PTBP2: variants seen among roughly 807,000 people sequenced by gnomAD.
PTBP2 encodes the protein polypyrimidine tract-binding protein 2.
In PTBP2, 13 loss-of-function variants were observed where a neutral mutation model predicts 61.4. That is an observed-to-expected ratio of 0.21 (90% confidence interval 0.14 to 0.34). The LOEUF (loss-of-function observed/expected upper bound fraction) is 0.34. PTBP2 is among the 10% of genes least tolerant of loss of function. PTBP2 has a pLI of 1.00. For synonymous variants in PTBP2, 215 were observed against 218.5 expected (o/e 0.98, Z 0.14); for missense variants, 405 against 642.6 (o/e 0.63, Z 4.00).
chr1:96,725,867 C>T (rs1412960619), intron 2 of PTBP2, among the ~76,000 whole-genome samples: 1 of 151,500 alleles, frequency 6.6e-6, no homozygotes, highest in Non-Finnish European at 1.5e-5. Flanking sequence ...ATCACGAGTT[C>T]AGGAGAGACC....
chr1:96,743,982 A>G (rs1463095767), intron 2 of PTBP2, among the ~76,000 whole-genome samples: 1 of 152,130 alleles, frequency 6.6e-6, no homozygotes, highest in Non-Finnish European at 1.5e-5. Context: ...GCTTGAGACC[A>G]GCCTGGCTCT....
rs191704318 is a variant in PTBP2 at position 96,750,346 on chromosome 1, G to A, written c.40-1079G>A. On this transcript the variant is annotated intron_variant, in intron 2 of 13. Transcript: ENST00000674951. ...GAAATTGGTTAAGAAATTAGGCTTG[G>A]TGTAAATACAGTATCAATGTGGCTT... 2.2e-3 allele frequency among the ~76,000 whole-genome samples: 335 copies of A among 151,404 alleles called. 1 individual carries two copies. Among genetic ancestry groups the A allele is most frequent in the Non-Finnish European group, 4.0e-3 (270 of 67,794 alleles).
intron 2 of PTBP2, among the ~76,000 whole-genome samples, chr1:96,736,105 C>G (rs538389125): frequency 1.3e-5 from 2 of 152,232 alleles, no homozygotes; most frequent in South Asian, 4.1e-4. Flanking sequence ...TATAGCCAGC[C>G]AAATTATCAT....
intron 3 of PTBP2, among the ~76,000 whole-genome samples, chr1:96,759,610 T>C (rs1655563299): frequency 6.6e-6 from 1 of 152,162 alleles, no homozygotes; most frequent in Admixed American, 6.5e-5. Flanking sequence ...TAGGATATAC[T>C]TGCAACTTTG....
intron 8 of PTBP2, among the ~76,000 whole-genome samples, chr1:96,803,565 G>A (rs1661230755): frequency 6.6e-6 from 1 of 151,898 alleles, no homozygotes; most frequent in African/African-American, 2.4e-5. Flanking sequence ...GGAGGGGAAA[G>A]TTTTATAAGT....
intron 8 of PTBP2, among the ~76,000 whole-genome samples, chr1:96,803,746 G>C (rs1661246515): frequency 1.3e-5 from 2 of 152,126 alleles, no homozygotes; most frequent in Admixed American, 6.6e-5. Flanking sequence ...AAGCTGGAAA[G>C]AAAGAAGAAA....
At chr1:96,746,913 C>CCCTCCCTCCCTCCCTTCCTTCCTT (rs1397374147) in intron 2 of PTBP2, among the ~76,000 whole-genome samples, 1 of 29,516 alleles carries the variant, frequency 3.4e-5, no homozygotes, top group African/African-American at 1.4e-4. Flanking sequence ...CTCCCTCCCT[C>CCCTCCCTCCCTCCCTTCCTTCCTT]CCTTCCTTCC....
chr1:96,815,653 A>G (rs988171531), downstream of PTBP2: 2 of 152,152 alleles, frequency 1.3e-5, no homozygotes, highest in African/African-American at 4.8e-5. Flanking sequence ...GGATAATAAA[A>G]AGTAAATGAA....
At position 96,769,894 on chromosome 1, in the gene PTBP2, T is replaced by C. The variant is rs771488962; in HGVS notation, c.288+19T>C. On this transcript the variant is annotated intron_variant, in intron 4 of 13. Transcript: ENST00000674951. ...AAATCAGGTACACTTCTTTCAGGGT[T>C]TATGAAATGTTAAACCCCAAACTAT... The C allele has an allele frequency of 1.3e-6, 2 of 1,554,794 alleles. No homozygotes were observed. The highest frequency in any genetic ancestry group is 3.9e-5 in the Admixed American group (2 of 51,494).
chr1:96,740,897 T>C lies in PTBP2; in HGVS notation c.40-10528T>C, dbSNP rs573145917. Among the ~76,000 whole-genome samples, 14 of 152,164 alleles carry C rather than the reference T, an allele frequency of 9.2e-5. No individual in the cohort carries two copies. The South Asian group carries it at 2.9e-3, about 32-fold the overall frequency. ...ATTTGTCAAATATTTTAAATTTTTT[T>C]CCATTACAAACTGCTACTGTAAGCA... On this transcript the variant is annotated intron_variant, in intron 2 of 13. Coordinates refer to ENST00000674951, the MANE Select transcript of PTBP2 (RefSeq NM_021190.4).
intron 3 of PTBP2, among the ~76,000 whole-genome samples, chr1:96,760,896 C>T (rs951611752): frequency 8.5e-5 from 13 of 152,206 alleles, no homozygotes; most frequent in Admixed American, 3.9e-4. Context: ...CTTGAAATAA[C>T]CCAAATGTTT....
downstream of PTBP2, chr1:96,816,347 G>A (rs979611595): frequency 6.6e-6 from 1 of 152,140 alleles, no homozygotes; most frequent in African/African-American, 2.4e-5. Context: ...AAACAGCTTT[G>A]TCGTATATTA....
At chr1:96,723,738 C>CAT in intron 2 of PTBP2, 144 bp downstream of exon 2, 1 of 630,154 alleles carries the variant, frequency 1.6e-6, no homozygotes, top group Admixed American at 2.7e-5. Context: ...AAAGTTGGAC[C>CAT]ATATAAACAG....
chr1:96,777,188 C>A (rs1182707088), intron 5 of PTBP2, among the ~76,000 whole-genome samples: 2 of 151,890 alleles, frequency 1.3e-5, no homozygotes, highest in Non-Finnish European at 2.9e-5. Flanking sequence ...ATTCAGTAAC[C>A]CCCTTGTTGA....
At chr1:96,821,298 T>C (rs1253918905) in exon 14 of PTBP2, 1 of 152,170 alleles carries the variant, frequency 6.6e-6, no homozygotes, top group African/African-American at 2.4e-5. Context: ...ACAGTGTATA[T>C]ATGAGATTAA....
intron 5 of PTBP2, among the ~76,000 whole-genome samples, chr1:96,776,084 TA>T (rs1350759492): frequency 6.6e-6 from 1 of 152,030 alleles, no homozygotes; most frequent in African/African-American, 2.4e-5. Context: ...TTTTAATCTT[TA>T]ATACCACTTT....
chr1:96,749,337 A>G (rs1286850311), intron 2 of PTBP2, among the ~76,000 whole-genome samples: 1 of 152,218 alleles, frequency 6.6e-6, no homozygotes, highest in Non-Finnish European at 1.5e-5. Context: ...ATAGTCAAAC[A>G]TCAGAAGAAT....
intron 3 of PTBP2, among the ~76,000 whole-genome samples, chr1:96,761,948 A>G (rs1655933978): frequency 1.3e-5 from 2 of 151,800 alleles, no homozygotes; most frequent in African/African-American, 4.8e-5. Context: ...ACTCTTAACG[A>G]GCATGCTGCC....
intron 8 of PTBP2, among the ~76,000 whole-genome samples, chr1:96,792,482 A>G (rs1054652827): frequency 6.6e-6 from 1 of 152,210 alleles, no homozygotes; most frequent in Non-Finnish European, 1.5e-5. Context: ...AAATAGTGGA[A>G]TAAAATTAGA....
Sources: gnomAD v4.1 joint callset for allele counts (sites outside exome capture counted in the v4.1 genomes callset) on GRCh38, gnomAD v4.1.1 for gene constraint, MANE v1.5 for transcripts, NCBI Gene and HGNC (gene_info 2026-07-23, HGNC 2026-07-21) for gene names.